Variants in ADAMTSL1 observed in about 807,000 individuals in gnomAD.
ADAMTSL1 encodes the protein ADAMTS like 1.
A neutral mutation model predicts 201.8 loss-of-function variants in ADAMTSL1; 126 were observed. That is an observed-to-expected ratio of 0.62 (90% CI 0.54 to 0.72). The LOEUF (loss-of-function observed/expected upper bound fraction) is 0.72. ADAMTSL1 is among the 30% of genes least tolerant of loss of function. ADAMTSL1 has a pLI of 0.00. For synonymous variants in ADAMTSL1, 1,121 were observed against 903.4 expected, an observed-to-expected ratio of 1.24 and a Z score of -4.32; for missense variants, 2,679 against 2,277.8, an observed-to-expected ratio of 1.18 and a Z score of -3.59.
intron 20 of ADAMTSL1, among the ~76,000 whole-genome samples, chr9:18,811,012 C>CAAAAAA (rs76456235): frequency 0.012 from 482 of 38,628 alleles, 1 homozygote; most frequent in Non-Finnish European, 0.015. Context: ...CAATGAGTAC[C>CAAAAAA]AAAAAAAAAA....
intron 1 of ADAMTSL1, among the ~76,000 whole-genome samples, chr9:18,481,648 T>G (rs977054095): frequency 6.6e-6 from 1 of 152,192 alleles, no homozygotes; most frequent in African/African-American, 2.4e-5. Context: ...TTTAATCCTT[T>G]TATCCCTGTG....
chr9:18,356,907 T>C (rs1299590802), intron 2 of ADAMTSL1, among the ~76,000 whole-genome samples: 1 of 152,200 alleles, frequency 6.6e-6, no homozygotes, highest in Non-Finnish European at 1.5e-5. Context: ...GAGATCTATC[T>C]ATGCTGAGTT....
At chr9:18,573,942 G>T (rs1822517257) in intron 3 of ADAMTSL1, 88 bp from the exon 4 acceptor site, 1 of 1,002,810 alleles carries the variant, frequency 1.0e-6, no homozygotes, top group Non-Finnish European at 1.5e-6. Context: ...TGCTTTCTAA[G>T]ACCTAAGCAG....
At position 18,805,894 on chromosome 9, in the gene ADAMTSL1, C is replaced by T. The variant is rs186663854; in HGVS notation, c.3805+10370C>T. 3.5e-3 allele frequency among the ~76,000 whole-genome samples: 528 copies of T among 152,278 alleles called. 5 individuals are homozygous for T. The highest frequency in any genetic ancestry group is 0.012 in the African/African-American group (490 of 41,554). Reference sequence around the variant, plus strand: ...AAACCTGCCAAATCTGCCCAGCCTGCGGTCCTTGTGTCTGTTGTTGCCCCG... The same window carrying T: ...AAACCTGCCAAATCTGCCCAGCCTGTGGTCCTTGTGTCTGTTGTTGCCCCG... On this transcript the variant is annotated intron_variant, in intron 20 of 28. Transcript: ENST00000380548.
At chr9:18,242,961 C>A (rs144112945) in intron 2 of ADAMTSL1, among the ~76,000 whole-genome samples, 226 of 152,160 alleles carry the variant, frequency 1.5e-3, no homozygotes, top group African/African-American at 5.2e-3. Flanking sequence ...TATCAAAATC[C>A]TAATGGCATT....
At chr9:18,755,733 T>A (rs1360866222) in intron 16 of ADAMTSL1, among the ~76,000 whole-genome samples, 2 of 152,270 alleles carry the variant, frequency 1.3e-5, no homozygotes, top group Middle Eastern at 3.4e-3. Context: ...ACTTTGGGCC[T>A]GCGAAGATAT....
chr9:18,047,499 A>G (rs1821719117), intron 1 of ADAMTSL1, among the ~76,000 whole-genome samples: 1 of 152,184 alleles, frequency 6.6e-6, no homozygotes, highest in Admixed American at 6.5e-5. Flanking sequence ...AGGTATCAGA[A>G]GGTAGTGACT....
intron 2 of ADAMTSL1, among the ~76,000 whole-genome samples, chr9:18,263,454 G>A (rs925358342): frequency 3.9e-5 from 6 of 152,124 alleles, no homozygotes; most frequent in African/African-American, 1.4e-4. Flanking sequence ...GTCACCTGGT[G>A]TTGTAGAACT....
chr9:18,884,447 G>A (rs1563886215), intron 23 of ADAMTSL1, among the ~76,000 whole-genome samples: 1 of 151,898 alleles, frequency 6.6e-6, no homozygotes, highest in Non-Finnish European at 1.5e-5. Context: ...TTTTTCATTT[G>A]TTGCCTATAT....
At chr9:18,839,944 CA>C (rs1194006039) in intron 23 of ADAMTSL1, among the ~76,000 whole-genome samples, 2 of 149,444 alleles carry the variant, frequency 1.3e-5, no homozygotes, top group Non-Finnish European at 3.0e-5. Context: ...AGCCCTTTGT[CA>C]GATGAGTAGG....
intron 15 of ADAMTSL1, among the ~76,000 whole-genome samples, chr9:18,724,318 C>T (rs1000716284): frequency 6.6e-6 from 1 of 152,112 alleles, no homozygotes; most frequent in African/African-American, 2.4e-5. Flanking sequence ...TACCAAAGGC[C>T]CTAGAGGGCA....
chr9:18,566,633 A>G (rs1293160127), intron 3 of ADAMTSL1, among the ~76,000 whole-genome samples: 1 of 152,160 alleles, frequency 6.6e-6, no homozygotes, highest in Non-Finnish European at 1.5e-5. Flanking sequence ...GAAGGGATGG[A>G]TAATGCATGC....
At chr9:18,209,084 G>A (rs1314723016) in intron 2 of ADAMTSL1, among the ~76,000 whole-genome samples, 2 of 152,166 alleles carry the variant, frequency 1.3e-5, no homozygotes, top group Non-Finnish European at 2.9e-5. Flanking sequence ...GCCAAGATAT[G>A]TGTCTGTGTG....
intron 1 of ADAMTSL1, among the ~76,000 whole-genome samples, chr9:18,007,151 G>A (rs947719891): frequency 2.6e-5 from 4 of 151,964 alleles, no homozygotes; most frequent in African/African-American, 9.7e-5. Context: ...ATAGAGTGTT[G>A]TTAACACAGT....
intron 2 of ADAMTSL1, among the ~76,000 whole-genome samples, chr9:18,238,944 T>A (rs1830952507): frequency 6.6e-6 from 1 of 152,218 alleles, no homozygotes; most frequent in South Asian, 2.1e-4. Context: ...AATATCACAA[T>A]AAAGTGAGTC....
chr9:18,696,319 C>A (rs559494689), intron 13 of ADAMTSL1, among the ~76,000 whole-genome samples: 194 of 152,268 alleles, frequency 1.3e-3, no homozygotes, highest in African/African-American at 4.5e-3. Context: ...ATGCCAGAAT[C>A]TTGAGTCAGG....
chr9:18,880,103 C>T lies in ADAMTSL1; in HGVS notation c.4250-7728C>T, dbSNP rs111507976. Among the ~76,000 whole-genome samples, 258 of 152,294 alleles carry T rather than the reference C, an allele frequency of 1.7e-3. 3 individuals carry two copies. The highest frequency in any genetic ancestry group is 3.4e-3 in the Middle Eastern group (1 of 294). On this transcript the variant is annotated intron_variant, in intron 23 of 28. Transcript: ENST00000380548. ...TCAGTCACATCTTCAGGCTTTACTTCTCATACTAGTTCTCTTGTTATTTCT... is the reference window on the plus strand; with the variant it reads ...TCAGTCACATCTTCAGGCTTTACTTTTCATACTAGTTCTCTTGTTATTTCT...
At chr9:18,037,549 C>T (rs536674894) in intron 1 of ADAMTSL1, among the ~76,000 whole-genome samples, 1 of 152,020 alleles carries the variant, frequency 6.6e-6, no homozygotes, top group African/African-American at 2.4e-5. Flanking sequence ...TAATGATTGT[C>T]AAAGTATTTC....
chr9:18,846,261 G>A (rs1462073072), intron 23 of ADAMTSL1, among the ~76,000 whole-genome samples: 2 of 152,060 alleles, frequency 1.3e-5, no homozygotes, highest in African/African-American at 4.8e-5. Context: ...GAAAGTTCAA[G>A]TAAGAAAAGC....
Sources: gnomAD v4.1 joint callset for allele counts (sites outside exome capture counted in the v4.1 genomes callset) on GRCh38, gnomAD v4.1.1 for gene constraint, MANE v1.5 for transcripts, NCBI Gene and HGNC (gene_info 2026-07-23, HGNC 2026-07-21) for gene names.